Variants in TUSC3 observed in about 807,000 individuals in gnomAD.
The protein encoded by TUSC3 is tumor suppressor candidate 3.
Under a neutral mutation model 44.8 loss-of-function variants are expected in TUSC3, and 45 were observed. The ratio of observed to expected loss-of-function variants is 1.00; its 90% CI spans 0.79 to 1.29. TUSC3 has a LOEUF of 1.29. TUSC3 is among the 50% of genes most tolerant of loss of function. TUSC3 has a pLI of 0.00. For missense variants in TUSC3, 519 were observed against 437.9 expected (o/e 1.19, Z -1.65); for synonymous variants, 212 against 152.9 (o/e 1.39, Z -2.85).
intron 10 of TUSC3, among the ~76,000 whole-genome samples, chr8:15,760,302 T>C (rs1441366247): frequency 1.3e-5 from 2 of 152,216 alleles, no homozygotes; most frequent in Non-Finnish European, 2.9e-5. Flanking sequence ...ACCTTGGGAA[T>C]TATGTAATAC....
chr8:15,641,050 G>A (rs535644736), intron 2 of TUSC3, among the ~76,000 whole-genome samples: 1 of 152,128 alleles, frequency 6.6e-6, no homozygotes, highest in Non-Finnish European at 1.5e-5. Flanking sequence ...TGCCATGTGT[G>A]CTCTGTAGCT....
At chr8:15,531,001 A>G (rs549778967) in intron 2 of TUSC3, among the ~76,000 whole-genome samples, 1 of 152,236 alleles carries the variant, frequency 6.6e-6, no homozygotes, top group Non-Finnish European at 1.5e-5. Flanking sequence ...CCACTGGAAA[A>G]GGGAAGAAAG....
At chr8:15,724,432 G>A (rs1353771430) in intron 6 of TUSC3, among the ~76,000 whole-genome samples, 1 of 152,082 alleles carries the variant, frequency 6.6e-6, no homozygotes, top group Admixed American at 6.6e-5. Flanking sequence ...ATCTTAAATA[G>A]TTAAGATGAA....
At chr8:15,667,557 G>A (rs975232664) in intron 5 of TUSC3, among the ~76,000 whole-genome samples, 1 of 151,636 alleles carries the variant, frequency 6.6e-6, no homozygotes, top group African/African-American at 2.4e-5. Context: ...TGTATAAAAT[G>A]TGTATAGAAT....
At chr8:15,453,384 A>G (rs966969519) in intron 1 of TUSC3, among the ~76,000 whole-genome samples, 10 of 152,168 alleles carry the variant, frequency 6.6e-5, no homozygotes, top group African/African-American at 2.4e-4. Flanking sequence ...TTGCCTGCTT[A>G]CTTTTATGGC....
At chr8:15,727,961 T>A (rs1484570255) in intron 6 of TUSC3, among the ~76,000 whole-genome samples, 1 of 152,196 alleles carries the variant, frequency 6.6e-6, no homozygotes, top group Non-Finnish European at 1.5e-5. Flanking sequence ...TTCAGGACTG[T>A]CTCTAAAGCC....
At chr8:15,653,130 A>G (rs920631110) in intron 3 of TUSC3, among the ~76,000 whole-genome samples, 7 of 152,186 alleles carry the variant, frequency 4.6e-5, no homozygotes, top group Non-Finnish European at 8.8e-5. Flanking sequence ...AAGAAACAAA[A>G]TTGCCAGAAC....
intron 2 of TUSC3, among the ~76,000 whole-genome samples, chr8:15,504,578 GATATATATATATATATAT>G (rs1158864721): frequency 0.15 from 4,879 of 33,132 alleles, 478 homozygotes; most frequent in Middle Eastern, 0.29. Context: ...CAACTTTCAG[GATATATATATATATATAT>G]ATATATATAT....
At chr8:15,777,251 T>C in the TUSC3 span, among the ~76,000 whole-genome samples, 2 of 152,140 alleles carry the variant, frequency 1.3e-5, no homozygotes, top group African/African-American at 2.4e-5. Context: ...ATTCAAGGTA[T>C]CTTGTAACTT....
the TUSC3 span, among the ~76,000 whole-genome samples, chr8:15,850,124 T>G: frequency 0.012 from 1,802 of 151,512 alleles, 28 homozygotes; most frequent in African/African-American, 0.041. Flanking sequence ...TTTTTTTTTT[T>G]GCCATAGCTT....
chr8:15,796,698 A>G, the TUSC3 span, among the ~76,000 whole-genome samples: 1,219 of 152,030 alleles, frequency 8.0e-3, 18 homozygotes, highest in African/African-American at 0.028. Flanking sequence ...AAAGGGAGAC[A>G]AAGTTTCTAC....
chr8:15,698,107 A>T (rs1429252374), intron 6 of TUSC3, among the ~76,000 whole-genome samples: 1 of 152,182 alleles, frequency 6.6e-6, no homozygotes, highest in Non-Finnish European at 1.5e-5. Context: ...TATCCCTTAA[A>T]ATGAATCTTA....
chr8:15,646,210 G>C (rs1295895779), intron 2 of TUSC3, among the ~76,000 whole-genome samples: 2 of 152,120 alleles, frequency 1.3e-5, no homozygotes, highest in Non-Finnish European at 2.9e-5. Flanking sequence ...AAAGAAGGGA[G>C]GACATTCTAA....
In TUSC3 at chr8:15,497,729, TTTC is replaced by T. The variant is rs908106589; in HGVS notation, n.189+14255_189+14257del. On this transcript the variant is annotated intron_variant and non_coding_transcript_variant, in intron 2 of 5. Coordinates refer to the TUSC3 transcript ENST00000503191. ...TTTCTTTTTTCTTTCTTTTTCTTTG[TTTC>T]TTCTTCTTTTTTTTTTCTTTTTCTT... Among the ~76,000 whole-genome samples the T allele has an allele frequency of 3.7e-4, 32 of 85,426 alleles. No individual in the cohort carries two copies. The South Asian group carries it at 4.7e-3, about 12-fold the overall frequency. The allele number at this position is 85,426 out of a possible 152,430, so 56.0% of individuals were successfully genotyped here.
chr8:15,710,052 A>C (rs553872046), intron 6 of TUSC3, among the ~76,000 whole-genome samples: 1 of 151,802 alleles, frequency 6.6e-6, no homozygotes, highest in Non-Finnish European at 1.5e-5. Context: ...TGGTGGACTT[A>C]TCTACAGTCT....
the TUSC3 span, among the ~76,000 whole-genome samples, chr8:15,842,375 A>T: frequency 6.6e-6 from 1 of 152,198 alleles, no homozygotes; most frequent in Non-Finnish European, 1.5e-5. Flanking sequence ...TGTGAAGATT[A>T]AACTTGATAT....
At chr8:15,711,694 C>G (rs1424348833) in intron 6 of TUSC3, among the ~76,000 whole-genome samples, 1 of 151,438 alleles carries the variant, frequency 6.6e-6, no homozygotes, top group Non-Finnish European at 1.5e-5. Flanking sequence ...CTGATTTGCT[C>G]AAGAAAATAA....
chr8:15,774,904 A>C, the TUSC3 span, among the ~76,000 whole-genome samples: 6 of 152,140 alleles, frequency 3.9e-5, no homozygotes, highest in African/African-American at 1.4e-4. Flanking sequence ...GCCACTTTGG[A>C]AACAAATTAG....
chr8:15,833,204 A>G, the TUSC3 span, among the ~76,000 whole-genome samples: 1 of 152,160 alleles, frequency 6.6e-6, no homozygotes, highest in Admixed American at 6.6e-5. Flanking sequence ...AAAAGTCAAA[A>G]AATAACAGGT....
Sources: gnomAD v4.1 joint callset for allele counts (sites outside exome capture counted in the v4.1 genomes callset) on GRCh38, gnomAD v4.1.1 for gene constraint, MANE v1.5 for transcripts, NCBI Gene and HGNC (gene_info 2026-07-23, HGNC 2026-07-21) for gene names.